The following RANBP2 variants were observed in gnomAD, a reference collection of about 807,000 sequenced individuals.
RANBP2 encodes RAN binding protein 2.
Under a neutral mutation model 303.6 loss-of-function variants are expected in RANBP2, and 57 were observed. The ratio of observed to expected loss-of-function variants is 0.19; its 90% CI spans 0.15 to 0.23. The LOEUF (loss-of-function observed/expected upper bound fraction) is 0.23, where lower values mean the gene tolerates loss of function less well. Ranked by LOEUF, RANBP2 falls within the 10% of genes least tolerant of loss-of-function variation. The pLI is 1.00. For missense variants in RANBP2, 3,138 were observed against 3,780.8 expected (o/e 0.83, Z 4.46); for synonymous variants, 1,167 against 1,301.5 (o/e 0.90, Z 2.23).
At chr2:108,881,432 A>G in the RANBP2 span, among the ~76,000 whole-genome samples, 1 of 152,238 alleles carries the variant, frequency 6.6e-6, no homozygotes, top group African/African-American at 2.4e-5. Context: ...CTTTCTCCTT[A>G]TCAGCAATAA....
At chr2:108,844,850 C>T in the RANBP2 span, among the ~76,000 whole-genome samples, 3 of 151,290 alleles carry the variant, frequency 2.0e-5, no homozygotes, top group African/African-American at 7.3e-5. Flanking sequence ...CAGGTTCAAG[C>T]GATTCTCCTG....
the RANBP2 span, among the ~76,000 whole-genome samples, chr2:109,577,257 T>C: frequency 6.6e-6 from 1 of 152,150 alleles, no homozygotes; most frequent in African/African-American, 2.4e-5. Flanking sequence ...TAATAGATGG[T>C]AATAAACATA....
the RANBP2 span, chr2:108,846,889 G>C: frequency 6.2e-7 from 1 of 1,613,110 alleles, no homozygotes; most frequent in African/African-American, 1.3e-5. Context: ...TTGCCATTGA[G>C]ATTTTTATCA....
At chr2:108,937,544 A>T in the RANBP2 span, among the ~76,000 whole-genome samples, 1 of 151,156 alleles carries the variant, frequency 6.6e-6, no homozygotes, top group African/African-American at 2.4e-5. Flanking sequence ...TATGTGTGTG[A>T]GTGTGTGAAT....
At chr2:109,031,802 G>C in the RANBP2 span, among the ~76,000 whole-genome samples, 1 of 152,170 alleles carries the variant, frequency 6.6e-6, no homozygotes, top group African/African-American at 2.4e-5. Context: ...TTTGCCCCCA[G>C]CGAAGAGAAC....
chr2:108,997,767 T>C, the RANBP2 span, among the ~76,000 whole-genome samples: 1 of 152,102 alleles, frequency 6.6e-6, no homozygotes, highest in Non-Finnish European at 1.5e-5. Flanking sequence ...GGCAGGCTCC[T>C]GTAATCCCAG....
the RANBP2 span, among the ~76,000 whole-genome samples, chr2:108,867,684 A>T: frequency 1.3e-5 from 2 of 152,304 alleles, no homozygotes; most frequent in East Asian, 3.9e-4. Context: ...TTCAAAGACT[A>T]CCTAAGTCTA....
the RANBP2 span, among the ~76,000 whole-genome samples, chr2:109,175,778 G>C: frequency 6.6e-6 from 1 of 152,236 alleles, no homozygotes; most frequent in Admixed American, 6.5e-5. Flanking sequence ...GCTTCAAAGA[G>C]AGTCTAGAGT....
the RANBP2 span, among the ~76,000 whole-genome samples, chr2:109,718,731 G>A: frequency 2.0e-5 from 3 of 152,106 alleles, no homozygotes; most frequent in African/African-American, 7.2e-5. Context: ...TGTAATCTCA[G>A]CACTTTGGGA....
the RANBP2 span, among the ~76,000 whole-genome samples, chr2:109,123,539 AT>A: frequency 6.6e-6 from 1 of 152,180 alleles, no homozygotes; most frequent in Non-Finnish European, 1.5e-5. Flanking sequence ...CTCTGGTCTT[AT>A]TCATGAGCTC....
chr2:108,897,351 A>C, the RANBP2 span: 5 of 974,484 alleles, frequency 5.1e-6, no homozygotes, highest in Non-Finnish European at 7.7e-6. Context: ...ATTATAAAAC[A>C]TGCAGAAAGC....
the RANBP2 span, among the ~76,000 whole-genome samples, chr2:109,469,619 G>T: frequency 6.6e-6 from 1 of 152,136 alleles, no homozygotes; most frequent in African/African-American, 2.4e-5. Context: ...GGCCCCAGTG[G>T]CTCAGAGTGA....
At chr2:109,226,096 G>C in the RANBP2 span, among the ~76,000 whole-genome samples, 1 of 152,186 alleles carries the variant, frequency 6.6e-6, no homozygotes, top group Non-Finnish European at 1.5e-5. Context: ...TTTGACTCAG[G>C]CTAAATCACT....
At chr2:109,568,046 C>G in the RANBP2 span, 1 of 1,214,372 alleles carries the variant, frequency 8.2e-7, no homozygotes, top group Admixed American at 2.5e-5. Context: ...TGTTTTTTCA[C>G]TCAAAACTGT....
At chr2:109,368,376 A>G in the RANBP2 span, among the ~76,000 whole-genome samples, 2 of 152,236 alleles carry the variant, frequency 1.3e-5, no homozygotes, top group Non-Finnish European at 2.9e-5. Context: ...CTTCTTGGAC[A>G]TTCAAGTTTA....
chr2:109,550,147 G>A, the RANBP2 span, among the ~76,000 whole-genome samples: 4 of 151,632 alleles, frequency 2.6e-5, no homozygotes, highest in African/African-American at 7.3e-5. Flanking sequence ...AAAATTAGCT[G>A]GGCATGGTGG....
chr2:109,450,487 A>G, the RANBP2 span, among the ~76,000 whole-genome samples: 3 of 152,262 alleles, frequency 2.0e-5, no homozygotes, highest in Non-Finnish European at 4.4e-5. Context: ...TGCAAACCTC[A>G]AATCTAATTT....
At chr2:109,413,417 C>T in the RANBP2 span, among the ~76,000 whole-genome samples, 1 of 152,164 alleles carries the variant, frequency 6.6e-6, no homozygotes, top group Non-Finnish European at 1.5e-5. Flanking sequence ...CCAGGCCTGT[C>T]TGGTTATTTT....
At chr2:109,598,272 T>C in the RANBP2 span, among the ~76,000 whole-genome samples, 2 of 151,966 alleles carry the variant, frequency 1.3e-5, no homozygotes, top group Admixed American at 1.3e-4. Context: ...TTCTCCACGT[T>C]GGTTAGGCTA....
Sources: allele counts gnomAD v4.1 joint callset (sites outside exome capture counted in the v4.1 genomes callset), GRCh38; gene constraint gnomAD v4.1.1; transcripts MANE v1.5; gene names NCBI Gene and HGNC (gene_info 2026-07-23, HGNC 2026-07-21).